MTPAP: variants seen among roughly 807,000 people sequenced by gnomAD.
MTPAP encodes poly(A) RNA polymerase, mitochondrial.
Under a neutral mutation model 48.7 loss-of-function variants are expected in MTPAP, and 23 were observed. The observed-to-expected ratio is 0.47, with a 90% CI of 0.34 to 0.67. MTPAP has a LOEUF of 0.67. MTPAP is among the 30% of genes least tolerant of loss of function. The pLI, the probability that MTPAP is intolerant of heterozygous loss-of-function variation, is 0.01. For synonymous variants in MTPAP, 257 were observed against 254.1 expected (o/e 1.01, Z -0.11); for missense variants, 614 against 694.3 (o/e 0.88, Z 1.30).
In MTPAP at chr10:30,313,715, T is replaced by G. The variant is rs372986653; in HGVS notation, c.1643A>C (p.Lys548Thr). Residue 548 changes from lysine (K) to threonine (T), a missense_variant, in exon 9 of 9, where the codon AAG becomes ACG. This residue lies in a region of MTPAP where 109 missense variants were observed against 100.5 expected (regional missense o/e 1.08). Coordinates refer to ENST00000263063, the MANE Select transcript of MTPAP (RefSeq NM_018109.4). ...GTTTTTGACTGTTTCAATTGCAAACTTATTGCTTTTCTTCTTGGTAAAGGA... is the reference window on the plus strand; with the variant it reads ...GTTTTTGACTGTTTCAATTGCAAACGTATTGCTTTTCTTCTTGGTAAAGGA... Reference protein sequence around the residue: ...RKSFTKKKSNKFAIETVKNLL... With the variant: ...RKSFTKKKSNTFAIETVKNLL... The G allele has an allele frequency of 7.7e-5, 124 of 1,614,246 alleles. 1 individual carries two copies. In the Middle Eastern group the frequency reaches 1.3e-3, roughly 17 times the overall value.
At chr10:30,320,038 C>T (rs1840703506) in intron 6 of MTPAP, among the ~76,000 whole-genome samples, 1 of 152,138 alleles carries the variant, frequency 6.6e-6, no homozygotes, top group South Asian at 2.1e-4. Flanking sequence ...AGAAGGATCG[C>T]TTGAGCCTAG....
At chr10:30,323,745 C>G (rs906589973) in intron 5 of MTPAP, among the ~76,000 whole-genome samples, 1 of 152,182 alleles carries the variant, frequency 6.6e-6, no homozygotes, top group South Asian at 2.1e-4. Flanking sequence ...CTCCTGACCT[C>G]GTGATCCACT....
At position 30,340,342 on chromosome 10, in the gene MTPAP, G is replaced by A. The variant is rs1419844216; in HGVS notation, c.439C>T (p.Arg147Cys). Reference protein sequence around the residue: ...AMETAIPFRSRFFNLKLKNQT... With the variant: ...AMETAIPFRSCFFNLKLKNQT... ...TTTTTCAACTTCAGATTGAAGAAACGTGATCTGAATGGAATTGCAGTCTCC... is the reference window on the plus strand; with the variant it reads ...TTTTTCAACTTCAGATTGAAGAAACATGATCTGAATGGAATTGCAGTCTCC... Residue 147 changes from arginine (R) to cysteine (C), a missense_variant, in exon 3 of 9, where the codon CGT (arginine) becomes TGT (cysteine). By Grantham distance (180) the Arg-to-Cys change is radical (BLOSUM62 -3). This residue lies in a region of MTPAP where 114 missense variants were observed against 107.9 expected (regional missense o/e 1.06). Coordinates refer to ENST00000263063, the MANE Select transcript of MTPAP (RefSeq NM_018109.4). The A allele has an allele frequency of 5.0e-6, 8 of 1,613,960 alleles. No individual in the cohort carries two copies. The highest frequency in any genetic ancestry group is 2.2e-5 in the South Asian group (2 of 91,072).
chr10:30,347,599 T>C (rs1434887029), intron 1 of MTPAP, among the ~76,000 whole-genome samples: 1 of 152,234 alleles, frequency 6.6e-6, no homozygotes, highest in Non-Finnish European at 1.5e-5. Context: ...GAATTAGAAG[T>C]GAGTTTTACT....
At chr10:30,339,020 G>A (rs1834766388) in intron 3 of MTPAP, among the ~76,000 whole-genome samples, 1 of 151,994 alleles carries the variant, frequency 6.6e-6, no homozygotes, top group South Asian at 2.1e-4. Flanking sequence ...CTACTTGAGA[G>A]GCTGAGGCAA....
chr10:30,322,624 A>G lies in MTPAP; in HGVS notation c.993-7T>C. ...GGAACTTGTCAAGGCAATCCTTCAA[A>G]AAATAAAAATAAGAAAAATGTTCAA... is the stretch of plus-strand genomic sequence containing the variant. On this transcript the variant is annotated splice_polypyrimidine_tract_variant and splice_region_variant and intron_variant, in intron 5 of 8. Coordinates refer to ENST00000263063, the MANE Select transcript of MTPAP (RefSeq NM_018109.4). 1 of 1,588,278 alleles carries G rather than the reference A, an allele frequency of 6.3e-7. No individual in the cohort carries two copies. Among genetic ancestry groups the G allele is most frequent in the Non-Finnish European group, 8.6e-7 (1 of 1,160,530 alleles).
chr10:30,316,156 A>G lies in MTPAP; in HGVS notation c.1274T>C (p.Leu425Ser). 6.2e-7 allele frequency: 1 copy of G among 1,614,058 alleles called. No individual in the cohort carries two copies. Among genetic ancestry groups the G allele is most frequent in the Non-Finnish European group, 8.5e-7 (1 of 1,179,960 alleles). Residue 425 changes from leucine (L) to serine (S), a missense_variant, in exon 7 of 9, where the codon TTG becomes TCG. Transcript: ENST00000263063. ...GTTCTGTGAAGGTTTAATTCTACTC[A>G]AGTCACGAACAAATGTGCAGTTGTT... ...EGNNCTFVRD[L>S]SRIKPSQNTE...
intron 6 of MTPAP, 65 bp downstream of exon 6, chr10:30,322,326 C>CT: frequency 7.7e-7 from 1 of 1,300,266 alleles, no homozygotes; most frequent in Non-Finnish European, 1.1e-6. Context: ...TTTGGTAACA[C>CT]ATGGTAATTA....
intron 4 of MTPAP, among the ~76,000 whole-genome samples, chr10:30,333,834 A>G (rs2132860975): frequency 6.6e-6 from 1 of 152,230 alleles, no homozygotes; most frequent in African/African-American, 2.4e-5. Context: ...CCCAGGAGGC[A>G]GAGGTTACAG....
chr10:30,332,910 A>G (rs996802918), intron 4 of MTPAP, among the ~76,000 whole-genome samples: 1 of 152,030 alleles, frequency 6.6e-6, no homozygotes, highest in Admixed American at 6.6e-5. Context: ...TCACGAGGTC[A>G]GGAGATCGAG....
intron 3 of MTPAP, 79 bp from the exon 4 acceptor site, chr10:30,337,106 T>C: frequency 1.6e-6 from 2 of 1,239,616 alleles, no homozygotes; most frequent in Non-Finnish European, 2.3e-6. Context: ...CTTTCAAAGA[T>C]TTGGTGGCGT....
Position 30,310,709 on chromosome 10 carries a change from G to A in MTPAP, c.*2900C>T, listed in dbSNP as rs1840581031. The A allele has an allele frequency of 2.0e-5, 3 of 151,990 alleles. No homozygotes were observed. The highest frequency in any genetic ancestry group is 2.0e-4 in the Admixed American group (3 of 15,232). 9.4% of individuals were successfully genotyped at this position (151,990 alleles called of 1,614,324 possible). On this transcript the variant is annotated 3_prime_UTR_variant, in exon 9 of 9. Coordinates refer to ENST00000263063, the MANE Select transcript of MTPAP (RefSeq NM_018109.4). ...GAGGTCAGGAATTCAAGACCAGCCT[G>A]GCCAACATGGTGAAACCCCGTCTCT...
In MTPAP at chr10:30,349,215, G is replaced by T. The variant is rs751981099; in HGVS notation, c.61C>A (p.Arg21=). Residue 21 remains arginine (R), a synonymous_variant, in exon 1 of 9, where the codon CGA becomes AGA. Transcript: ENST00000263063. ...RLNLCARRRT[R]VQRPIVRLLS... is the part of the protein sequence containing the mutation. ...AGCCTGACGATAGGCCGCTGGACTC[G>T]AGTTCTTCTCCGGGCACACAGGTTC... 6.3e-7 allele frequency: 1 copy of T among 1,587,206 alleles called. No individual in the cohort carries two copies. Among genetic ancestry groups the T allele is most frequent in the Admixed American group, 1.7e-5 (1 of 57,790 alleles).
Position 30,316,120 on chromosome 10 carries a change from A to T in MTPAP, c.1310T>A (p.Leu437Ter). 2 of 1,612,646 alleles carry T rather than the reference A, an allele frequency of 1.2e-6. No individual in the cohort carries two copies. The highest frequency in any genetic ancestry group is 1.1e-5 in the South Asian group (1 of 91,048). Reference protein sequence around the residue: ...RIKPSQNTETLELLLKEFFEY... With the variant: ...RIKPSQNTET The stretch of plus-strand genomic sequence containing the variant: ...CAAGTAAACAGAAAGACACTTACCT[A>T]ATGTTTCTGTGTTCTGTGAAGGTTT... The change falls in exon 7 of 9, where the codon TTA (leucine) becomes TAA (stop). Residue 437 changes from leucine to a stop codon, truncating the protein, a stop_gained and splice_region_variant. Coordinates refer to ENST00000263063, the MANE Select transcript of MTPAP (RefSeq NM_018109.4). LOFTEE classifies it high-confidence loss of function.
At chr10:30,345,659 A>G (rs889639902) in intron 1 of MTPAP, among the ~76,000 whole-genome samples, 1 of 152,234 alleles carries the variant, frequency 6.6e-6, no homozygotes, top group Admixed American at 6.5e-5. Context: ...AACAAATTAA[A>G]AGGAAGAACT....
At chr10:30,314,463 T>C (rs1194461624) in intron 8 of MTPAP, among the ~76,000 whole-genome samples, 1 of 152,118 alleles carries the variant, frequency 6.6e-6, no homozygotes, top group Non-Finnish European at 1.5e-5. Flanking sequence ...TTAATTAATG[T>C]TTCCCAAGTA....
chr10:30,330,009 C>A (rs769782605), intron 4 of MTPAP, among the ~76,000 whole-genome samples: 11 of 151,400 alleles, frequency 7.3e-5, no homozygotes, highest in Admixed American at 1.3e-4. Flanking sequence ...GAAAAAAAAT[C>A]CAGAATATAT....
chr10:30,324,227 G>A (rs1218347821), intron 5 of MTPAP, among the ~76,000 whole-genome samples: 1 of 151,982 alleles, frequency 6.6e-6, no homozygotes, highest in Non-Finnish European at 1.5e-5. Context: ...AGACAAAAAG[G>A]CATTTATTGG....
intron 4 of MTPAP, among the ~76,000 whole-genome samples, chr10:30,330,601 G>A (rs868509612): frequency 3.6e-4 from 55 of 152,308 alleles, no homozygotes; most frequent in African/African-American, 1.1e-3. Flanking sequence ...GGAACTGGGC[G>A]CAGGAAAGTG....
Sources: allele counts gnomAD v4.1 joint callset (sites outside exome capture counted in the v4.1 genomes callset), GRCh38; gene constraint gnomAD v4.1.1; regional missense constraint gnomAD v4.1.1; transcripts MANE v1.5; gene names NCBI Gene and HGNC (gene_info 2026-07-23, HGNC 2026-07-21).